Variants in DIS3L2 observed in about 807,000 individuals in gnomAD.
The protein encoded by DIS3L2 is DIS3 like 3'-5' exoribonuclease 2.
Under a neutral mutation model 97.5 loss-of-function variants are expected in DIS3L2, and 34 were observed. That is an observed-to-expected ratio of 0.35 (90% CI 0.27 to 0.46). The LOEUF (loss-of-function observed/expected upper bound fraction) is 0.46, where lower values mean the gene tolerates loss of function less well. Among genes scored for constraint, DIS3L2 ranks in the 20% least tolerant of loss-of-function variants. The pLI is 1.00. For synonymous variants in DIS3L2, 435 were observed against 445.2 expected (o/e 0.98, Z 0.29); for missense variants, 1,038 against 1,146.0 (o/e 0.91, Z 1.36).
intron 14 of DIS3L2, among the ~76,000 whole-genome samples, chr2:232,301,945 C>G (rs980490445): frequency 1.3e-5 from 2 of 149,748 alleles, no homozygotes; most frequent in African/African-American, 4.9e-5. Flanking sequence ...TTCCAAAGTG[C>G]TGAGATTACA....
intron 9 of DIS3L2, among the ~76,000 whole-genome samples, chr2:232,166,057 G>A (rs1690797384): frequency 2.0e-5 from 3 of 148,382 alleles, no homozygotes; most frequent in Non-Finnish European, 4.5e-5. Flanking sequence ...GGTCCTTAGT[G>A]AGACCCTGTC....
chr2:232,334,648 G>C lies in DIS3L2; in HGVS notation c.2307G>C (p.Glu769Asp). ...CCCTGCAGGAGAGTGGCCCCCTGGA[G>C]TCAGAAGCCATGGTGATGGGCATCC... ...AVLVKESGPL[E>D]SEAMVMGILK... The change falls in exon 19 of 21, where the codon GAG (glutamate) becomes GAC (aspartate). Residue 769 changes from glutamate (E) to aspartate (D), a missense_variant. Around this residue, in one of 3 missense-constraint regions of DIS3L2, gnomAD observed 221 missense variants for 246.9 expected, o/e 0.90. Transcript: ENST00000325385. The C allele has an allele frequency of 6.2e-7, 1 of 1,609,174 alleles. No individual in the cohort carries two copies. The highest frequency in any genetic ancestry group is 1.1e-5 in the South Asian group (1 of 90,316).
At chr2:232,019,229 C>T (rs1350043648) in intron 3 of DIS3L2, among the ~76,000 whole-genome samples, 1 of 152,128 alleles carries the variant, frequency 6.6e-6, no homozygotes, top group East Asian at 1.9e-4. Context: ...TCAGGATGAA[C>T]TAGTTTCTGG....
intron 5 of DIS3L2, among the ~76,000 whole-genome samples, 173 bp from the exon 6 acceptor site, chr2:232,087,314 G>A (rs1162536246): frequency 1.3e-5 from 2 of 152,128 alleles, no homozygotes; most frequent in African/African-American, 2.4e-5. Context: ...GATTGATTAT[G>A]TGCATTAGGT....
intron 1 of DIS3L2, among the ~76,000 whole-genome samples, chr2:231,973,613 A>C (rs1692986914): frequency 6.6e-6 from 1 of 151,816 alleles, no homozygotes; most frequent in Non-Finnish European, 1.5e-5. Flanking sequence ...CTGGTTTTGA[A>C]CTCCTTCAGC....
At chr2:232,057,872 T>C (rs539645270) in intron 5 of DIS3L2, among the ~76,000 whole-genome samples, 4 of 152,366 alleles carry the variant, frequency 2.6e-5, no homozygotes, top group African/African-American at 9.6e-5. Context: ...GTGGGCATTG[T>C]TTATTTTGTA....
chr2:232,261,205 TTTCC>T (rs1293261429), intron 12 of DIS3L2, among the ~76,000 whole-genome samples: 1 of 152,148 alleles, frequency 6.6e-6, no homozygotes, highest in South Asian at 2.1e-4. Context: ...TCTCCTGCCC[TTTCC>T]TTCCTTCCTT....
At chr2:232,005,577 A>T (rs1559534020) in intron 1 of DIS3L2, among the ~76,000 whole-genome samples, 1 of 152,172 alleles carries the variant, frequency 6.6e-6, no homozygotes, top group Non-Finnish European at 1.5e-5. Flanking sequence ...CAAATTTTAT[A>T]AAAACTCATG....
chr2:232,090,653 G>A (rs3116158), intron 6 of DIS3L2, among the ~76,000 whole-genome samples: 141,071 of 152,212 alleles, frequency 0.93, 65,410 homozygotes, highest in East Asian at 1. Flanking sequence ...CCATAACCTT[G>A]AGAATATCAA....
At chr2:232,068,313 T>C (rs1037802296) in intron 5 of DIS3L2, among the ~76,000 whole-genome samples, 3 of 151,728 alleles carry the variant, frequency 2.0e-5, no homozygotes, top group Admixed American at 2.0e-4. Context: ...GGCTCACAAC[T>C]GTAAGCCCAG....
intron 10 of DIS3L2, among the ~76,000 whole-genome samples, chr2:232,231,276 A>G (rs1692784850): frequency 6.6e-6 from 1 of 152,204 alleles, no homozygotes; most frequent in African/African-American, 2.4e-5. Context: ...GAATGAATGA[A>G]GATGGTTATT....
Position 232,343,578 on chromosome 2 carries a change from A to C in DIS3L2, c.*3A>C, listed in dbSNP as rs143390659. The C allele has an allele frequency of 5.4e-3, 8,445 of 1,574,986 alleles. 131 individuals are homozygous for C. Among genetic ancestry groups the C allele is most frequent in the Admixed American group, 0.053 (2,895 of 54,778 alleles). On this transcript the variant is annotated 3_prime_UTR_variant, in exon 14 of 14. Transcript: ENST00000273009. Reference sequence around the variant, plus strand: ...AGACAACCCAGTTGCAGATTTGAAGAAGCATGTGGAATTCCTTGTGGCGGA... The same window carrying C: ...AGACAACCCAGTTGCAGATTTGAAGCAGCATGTGGAATTCCTTGTGGCGGA...
At chr2:232,147,701 G>A (rs1486313209) in intron 8 of DIS3L2, among the ~76,000 whole-genome samples, 1 of 152,042 alleles carries the variant, frequency 6.6e-6, no homozygotes, top group Non-Finnish European at 1.5e-5. Flanking sequence ...TGTAACATTT[G>A]AACTACATTA....
chr2:232,129,085 T>C (rs1378112348), intron 6 of DIS3L2, among the ~76,000 whole-genome samples: 1 of 152,132 alleles, frequency 6.6e-6, no homozygotes, highest in Non-Finnish European at 1.5e-5. Context: ...CTTGCTGTTG[T>C]TGGGATGGAA....
chr2:232,059,473 T>G (rs565056164), intron 5 of DIS3L2, among the ~76,000 whole-genome samples: 112 of 152,308 alleles, frequency 7.4e-4, no homozygotes, highest in African/African-American at 2.5e-3. Flanking sequence ...TTTTTACAAA[T>G]TTTTTAAAAA....
At position 232,336,801 on chromosome 2, in the gene DIS3L2, G is replaced by C. The variant is rs1427689081; in HGVS notation, c.*171G>C. On this transcript the variant is annotated 3_prime_UTR_variant, in exon 21 of 21. Coordinates refer to ENST00000325385, the MANE Select transcript of DIS3L2 (RefSeq NM_152383.5). ...ACTTTTAAACAAACTGCAGGGGAGAGGGTGGGGCTGGAAGGAAGGCTGAGG... is the reference window on the plus strand; with the variant it reads ...ACTTTTAAACAAACTGCAGGGGAGACGGTGGGGCTGGAAGGAAGGCTGAGG... 3 of 1,433,866 alleles carry C rather than the reference G, an allele frequency of 2.1e-6. No homozygotes were observed. The highest frequency in any genetic ancestry group is 1.8e-6 in the Non-Finnish European group (2 of 1,100,766). 88.8% of individuals were successfully genotyped at this position (1,433,866 alleles called of 1,614,324 possible).
intron 9 of DIS3L2, among the ~76,000 whole-genome samples, chr2:232,174,896 A>G (rs925980151): frequency 1.3e-5 from 2 of 151,798 alleles, no homozygotes; most frequent in East Asian, 3.9e-4. Flanking sequence ...GCTGGAGTGC[A>G]GTGGTACAGT....
At chr2:232,314,449 G>A (rs1163319766) in intron 14 of DIS3L2, among the ~76,000 whole-genome samples, 1 of 151,598 alleles carries the variant, frequency 6.6e-6, no homozygotes, top group Non-Finnish European at 1.5e-5. Flanking sequence ...AGGCCTCAGG[G>A]CCCTGGGGCT....
chr2:231,971,565 A>G (rs1367264422), intron 1 of DIS3L2, among the ~76,000 whole-genome samples: 1 of 152,048 alleles, frequency 6.6e-6, no homozygotes, highest in Non-Finnish European at 1.5e-5. Flanking sequence ...CTCCTGCCTC[A>G]GCCTCCTGAG....
Sources: allele counts gnomAD v4.1 joint callset (sites outside exome capture counted in the v4.1 genomes callset), GRCh38; gene constraint gnomAD v4.1.1; regional missense constraint gnomAD v4.1.1; transcripts MANE v1.5; gene names NCBI Gene and HGNC (gene_info 2026-07-23, HGNC 2026-07-21).